MYO1E: variants seen among roughly 807,000 people sequenced by gnomAD.
MYO1E encodes the protein unconventional myosin-Ie.
In MYO1E, 68 loss-of-function variants were observed where a neutral mutation model predicts 151.1. That is an observed-to-expected ratio of 0.45 (90% CI 0.37 to 0.55). MYO1E has a LOEUF of 0.55. Ranked by LOEUF, MYO1E falls within the 20% of genes least tolerant of loss-of-function variation. The pLI is 0.00. For missense variants in MYO1E, 1,363 were observed against 1,389.3 expected, an observed-to-expected ratio of 0.98 and a Z score of 0.30; for synonymous variants, 601 against 501.7, an observed-to-expected ratio of 1.20 and a Z score of -2.64.
intron 1 of MYO1E, among the ~76,000 whole-genome samples, chr15:59,319,662 G>C (rs1184399766): frequency 7.0e-6 from 1 of 141,860 alleles, no homozygotes; most frequent in Non-Finnish European, 1.5e-5. Context: ...CCAGCACTTT[G>C]AGAGGCCGAG....
chr15:59,239,271 G>A (rs1418678052), intron 4 of MYO1E, among the ~76,000 whole-genome samples: 3 of 150,034 alleles, frequency 2.0e-5, no homozygotes, highest in African/African-American at 7.3e-5. Flanking sequence ...TTTTAAAACA[G>A]CTTTTCCAGA....
At chr15:59,229,684 T>G (rs776103185) in intron 6 of MYO1E, among the ~76,000 whole-genome samples, 1 of 118,848 alleles carries the variant, frequency 8.4e-6, no homozygotes, top group Non-Finnish European at 2.2e-5. Flanking sequence ...ATTCTTTAAC[T>G]TGAAAAGATT....
intron 9 of MYO1E, among the ~76,000 whole-genome samples, chr15:59,220,735 C>T (rs986763288): frequency 1.2e-4 from 18 of 151,600 alleles, no homozygotes; most frequent in Non-Finnish European, 2.2e-4. Context: ...AGATCAGAAA[C>T]CATATTAATG....
At chr15:59,236,369 T>TATATATATACACAC (rs1392466770) in intron 5 of MYO1E, among the ~76,000 whole-genome samples, 4 of 117,740 alleles carry the variant, frequency 3.4e-5, no homozygotes, top group African/African-American at 1.3e-4. Flanking sequence ...AAAAAATATA[T>TATATATATACACAC]ACACACACAC....
intron 1 of MYO1E, among the ~76,000 whole-genome samples, chr15:59,363,507 A>G (rs1486373366): frequency 6.6e-6 from 1 of 152,248 alleles, no homozygotes; most frequent in Non-Finnish European, 1.5e-5. Flanking sequence ...GAAAAAGTAT[A>G]CAAATACGTG....
At chr15:59,223,315 G>T in intron 8 of MYO1E, 124 bp from the exon 9 acceptor site, 49 of 775,046 alleles carry the variant, frequency 6.3e-5, no homozygotes, top group Middle Eastern at 4.1e-4. Context: ...GAGTTACAAA[G>T]AAAAAAAAAA....
In MYO1E at chr15:59,370,385, A is replaced by C. The variant is rs151194496; in HGVS notation, c.3+2113T>G. The stretch of plus-strand genomic sequence containing the variant: ...GAACAATTTTTCAAGTCAGGAAAGA[A>C]ATGATTAACTTTGGCCAAATCACTC... On this transcript the variant is annotated intron_variant, in intron 1 of 27. Coordinates refer to ENST00000288235, the MANE Select transcript of MYO1E (RefSeq NM_004998.4). Among the ~76,000 whole-genome samples the C allele has an allele frequency of 2.5e-3, 374 of 152,374 alleles. 3 individuals are homozygous for C. Among genetic ancestry groups the C allele is most frequent in the African/African-American group, 8.5e-3 (353 of 41,588 alleles).
intron 24 of MYO1E, among the ~76,000 whole-genome samples, chr15:59,158,945 G>A (rs2079523153): frequency 6.6e-6 from 1 of 152,210 alleles, no homozygotes; most frequent in African/African-American, 2.4e-5. Context: ...GGAACACACT[G>A]TGGGTCACAG....
chr15:59,305,126 AAAC>A (rs1392636508), intron 1 of MYO1E, among the ~76,000 whole-genome samples: 1 of 152,208 alleles, frequency 6.6e-6, no homozygotes, highest in East Asian at 1.9e-4. Context: ...TTTCTTTCTC[AAAC>A]AACTGCCTCT....
intron 1 of MYO1E, among the ~76,000 whole-genome samples, chr15:59,325,979 G>T (rs1421562922): frequency 3.3e-5 from 5 of 152,146 alleles, no homozygotes; most frequent in African/African-American, 1.2e-4. Flanking sequence ...AGCACAAAAA[G>T]CAACAGCTAC....
At chr15:59,216,416 C>A (rs2079914529) in intron 10 of MYO1E, among the ~76,000 whole-genome samples, 1 of 151,682 alleles carries the variant, frequency 6.6e-6, no homozygotes, top group African/African-American at 2.4e-5. Context: ...TGGGCACTAA[C>A]ATAGTTAGTT....
chr15:59,141,319 T>C (rs1272288038), intron 26 of MYO1E, among the ~76,000 whole-genome samples: 1 of 152,318 alleles, frequency 6.6e-6, no homozygotes, highest in East Asian at 1.9e-4. Context: ...TCCTCACAGA[T>C]ACTAAACTCC....
intron 25 of MYO1E, among the ~76,000 whole-genome samples, chr15:59,157,066 T>TAAA (rs56300582): frequency 7.2e-6 from 1 of 139,276 alleles, no homozygotes; most frequent in African/African-American, 2.6e-5. Context: ...CTACAAAGAG[T>TAAA]AAAAAAAAAA....
At position 59,134,607 on chromosome 15, in the gene MYO1E, C is replaced by T. The variant is rs1387736563; in HGVS notation, c.*2773G>A. On this transcript the variant is annotated 3_prime_UTR_variant, in exon 28 of 28. Transcript: ENST00000288235. ...TTGAACACCTCTACCCTAGGGTACA[C>T]AGTCAGGCCTTCTCATTTAGTTCCT... 6.6e-6 allele frequency: 1 copy of T among 152,276 alleles called. No homozygotes were observed. The highest frequency in any genetic ancestry group is 1.5e-5 in the Non-Finnish European group (1 of 68,072). The allele number at this position is 152,276 out of a possible 1,614,324, so 9.4% of individuals were successfully genotyped here. A position where few individuals can be genotyped will look rare whatever the true frequency, so the allele number is the denominator to read the frequency against.
At position 59,277,559 on chromosome 15, in the gene MYO1E, A is replaced by ACAAAAC. The variant is rs759403515; in HGVS notation, c.4-5111_4-5110insGTTTTG. On this transcript the variant is annotated intron_variant, in intron 1 of 27. Transcript: ENST00000288235. Reference sequence around the variant, plus strand: ...ACTCCATCCCCCCACAAAAAAAAAAAAAAAAAAAAAAAAACATCAAAGCCT... The same window carrying ACAAAAC: ...ACTCCATCCCCCCACAAAAAAAAAAACAAAACAAAAAAAAAAAAAACATCAAAGCCT... Among the ~76,000 whole-genome samples the ACAAAAC allele has an allele frequency of 6.1e-5, 9 of 147,296 alleles. No homozygotes were observed. In the East Asian group the frequency reaches 1.4e-3, roughly 23 times the overall value.
intron 1 of MYO1E, among the ~76,000 whole-genome samples, chr15:59,370,418 A>C (rs1484324099): frequency 1.3e-5 from 2 of 152,274 alleles, no homozygotes; most frequent in Non-Finnish European, 2.9e-5. Context: ...CTCTGGATCC[A>C]GTAGATCTAT....
intron 1 of MYO1E, among the ~76,000 whole-genome samples, chr15:59,366,943 A>G (rs1411260069): frequency 6.7e-6 from 1 of 150,144 alleles, no homozygotes; most frequent in African/African-American, 2.5e-5. Context: ...AAAACTCACC[A>G]TTAAGAAACA....
chr15:59,268,534 T>C lies in MYO1E; in HGVS notation c.147+3772A>G, dbSNP rs539487002. ...CAACAAATTGTCAATGAATACTTAATACAATGCACCATGCCAAAAATTATG... is the reference window on the plus strand; with the variant it reads ...CAACAAATTGTCAATGAATACTTAACACAATGCACCATGCCAAAAATTATG... On this transcript the variant is annotated intron_variant, in intron 2 of 27. Coordinates refer to ENST00000288235, the MANE Select transcript of MYO1E (RefSeq NM_004998.4). 5.9e-5 allele frequency among the ~76,000 whole-genome samples: 9 copies of C among 152,192 alleles called. No individual in the cohort carries two copies. In the East Asian group the frequency reaches 1.5e-3, roughly 26 times the overall value.
intron 26 of MYO1E, 77 bp from the exon 27 acceptor site, chr15:59,138,444 G>A (rs755201032): frequency 1.4e-5 from 21 of 1,468,136 alleles, no homozygotes; most frequent in African/African-American, 7.0e-5. Context: ...GGAGCATGGC[G>A]GCCGGCACTG....
Sources: gnomAD v4.1 joint callset for allele counts (sites outside exome capture counted in the v4.1 genomes callset) on GRCh38, gnomAD v4.1.1 for gene constraint, MANE v1.5 for transcripts, NCBI Gene and HGNC (gene_info 2026-07-23, HGNC 2026-07-21) for gene names.